ALK: variants seen among roughly 807,000 people sequenced by gnomAD.
The protein encoded by ALK is ALK tyrosine kinase receptor.
Under a neutral mutation model 163.1 loss-of-function variants are expected in ALK, and 74 were observed. The observed-to-expected ratio is 0.45, with a 90% CI of 0.38 to 0.55. ALK has a LOEUF of 0.55. Ranked by LOEUF, ALK falls within the 20% of genes least tolerant of loss-of-function variation. The pLI is 0.00. For synonymous variants in ALK, 960 were observed against 843.2 expected, an observed-to-expected ratio of 1.14 and a Z score of -2.40; for missense variants, 2,063 against 2,105.3, an observed-to-expected ratio of 0.98 and a Z score of 0.39.
At chr2:29,526,919 C>G (rs929617066) in intron 4 of ALK, among the ~76,000 whole-genome samples, 4 of 152,228 alleles carry the variant, frequency 2.6e-5, no homozygotes, top group African/African-American at 9.6e-5. Context: ...CTGACAGGAA[C>G]AGCCAGGGTT....
chr2:29,674,160 C>T (rs1353008697), intron 3 of ALK, among the ~76,000 whole-genome samples: 2 of 151,502 alleles, frequency 1.3e-5, no homozygotes, highest in African/African-American at 4.9e-5. Context: ...ATTGAATACC[C>T]TTTATTTCCT....
chr2:29,580,266 C>G (rs944881051), intron 3 of ALK, among the ~76,000 whole-genome samples: 1 of 152,320 alleles, frequency 6.6e-6, no homozygotes, highest in South Asian at 2.1e-4. Context: ...CCGTGATTAC[C>G]GTGCACTACC....
intron 8 of ALK, among the ~76,000 whole-genome samples, chr2:29,300,271 G>A (rs925465864): frequency 9.9e-5 from 15 of 152,232 alleles, no homozygotes; most frequent in African/African-American, 2.2e-4. Context: ...ATACCTGGCC[G>A]GGCACGGTGG....
At chr2:29,339,113 T>C (rs1386722849) in intron 5 of ALK, among the ~76,000 whole-genome samples, 1 of 152,124 alleles carries the variant, frequency 6.6e-6, no homozygotes, top group Non-Finnish European at 1.5e-5. Flanking sequence ...TGTGGTGGCA[T>C]GTACCTGTAG....
At chr2:29,373,556 G>A (rs1668684686) in intron 5 of ALK, among the ~76,000 whole-genome samples, 1 of 152,160 alleles carries the variant, frequency 6.6e-6, no homozygotes, top group Non-Finnish European at 1.5e-5. Context: ...CCATTTCTGG[G>A]CAAGTTCCAA....
At chr2:29,810,144 G>A (rs769433636) in intron 1 of ALK, among the ~76,000 whole-genome samples, 6 of 152,118 alleles carry the variant, frequency 3.9e-5, no homozygotes, top group South Asian at 2.1e-4. Flanking sequence ...AGAGTCAGCC[G>A]GACATGGTGG....
At chr2:29,343,536 G>A (rs564466758) in intron 5 of ALK, among the ~76,000 whole-genome samples, 5 of 152,250 alleles carry the variant, frequency 3.3e-5, no homozygotes, top group Admixed American at 3.3e-4. Flanking sequence ...CTTAAACCTG[G>A]CATTAGCCTC....
chr2:29,534,150 T>C (rs78545006), intron 3 of ALK, among the ~76,000 whole-genome samples: 24,979 of 151,642 alleles, frequency 0.16, 2,418 homozygotes, highest in South Asian at 0.23. Context: ...TTGTGGATAA[T>C]AGAGAGCCAG....
intron 4 of ALK, among the ~76,000 whole-genome samples, chr2:29,420,303 G>C (rs532555136): frequency 6.6e-6 from 1 of 151,684 alleles, no homozygotes; most frequent in South Asian, 2.1e-4. Flanking sequence ...TCAGTAGACA[G>C]AAGTGAAGCT....
chr2:29,883,301 C>T (rs1485780721), intron 1 of ALK, among the ~76,000 whole-genome samples: 1 of 152,194 alleles, frequency 6.6e-6, no homozygotes, highest in Non-Finnish European at 1.5e-5. Flanking sequence ...CATTCCCCAA[C>T]CTGGTCTTTT....
intron 1 of ALK, among the ~76,000 whole-genome samples, chr2:29,828,496 G>C (rs1449889323): frequency 6.6e-6 from 1 of 152,006 alleles, no homozygotes; most frequent in Non-Finnish European, 1.5e-5. Flanking sequence ...TCAAAAAGTG[G>C]GCGAAGGATA....
At chr2:29,895,470 A>T (rs912843039) in intron 1 of ALK, among the ~76,000 whole-genome samples, 1 of 152,244 alleles carries the variant, frequency 6.6e-6, no homozygotes, top group Non-Finnish European at 1.5e-5. Flanking sequence ...TGGAAGCAGG[A>T]AGCTGCAGCT....
chr2:29,317,968 G>A lies in ALK; in HGVS notation c.1647+336C>T, dbSNP rs10197663. ...TTACAATGTATTACAAGAGCTCAAT[G>A]TTTTTAAAAAGGATTCTGTAGAAAG... On this transcript the variant is annotated intron_variant, in intron 8 of 28. Transcript: ENST00000389048. 0.069 allele frequency among the ~76,000 whole-genome samples: 10,530 copies of A among 152,268 alleles called. 403 individuals carry two copies. The highest frequency in any genetic ancestry group is 0.077 in the Non-Finnish European group (5,255 of 68,004).
intron 3 of ALK, among the ~76,000 whole-genome samples, chr2:29,609,010 A>T (rs1259900748): frequency 6.6e-6 from 1 of 152,074 alleles, no homozygotes; most frequent in Non-Finnish European, 1.5e-5. Context: ...TGCAACCTCC[A>T]CCTGCTGGGT....
chr2:29,386,424 A>G (rs1426029220), intron 4 of ALK, among the ~76,000 whole-genome samples: 1 of 152,242 alleles, frequency 6.6e-6, no homozygotes, highest in African/African-American at 2.4e-5. Flanking sequence ...TGAGAAGAAC[A>G]TGTAAACAAG....
chr2:29,537,103 GA>G, intron 3 of ALK, among the ~76,000 whole-genome samples: 1 of 152,244 alleles, frequency 6.6e-6, no homozygotes, highest in Non-Finnish European at 1.5e-5. Context: ...TCAGGTAGTA[GA>G]AAGGAAAAGA....
chr2:29,688,932 C>A (rs372082415), intron 3 of ALK, among the ~76,000 whole-genome samples: 13 of 152,304 alleles, frequency 8.5e-5, no homozygotes, highest in African/African-American at 3.1e-4. Flanking sequence ...TTGAAGCCTG[C>A]ACTAGCACAT....
intron 1 of ALK, among the ~76,000 whole-genome samples, chr2:29,756,782 C>G (rs1393366616): frequency 1.3e-5 from 2 of 152,172 alleles, no homozygotes; most frequent in African/African-American, 4.8e-5. Context: ...CCGCCTCAGC[C>G]TTTCAAAGTG....
At chr2:29,906,954 T>G (rs964561607) in intron 1 of ALK, among the ~76,000 whole-genome samples, 20 of 141,612 alleles carry the variant, frequency 1.4e-4, no homozygotes, top group African/African-American at 4.7e-4. Flanking sequence ...TTTTTTTTTT[T>G]TTTTTTTTTT....
Sources: allele counts gnomAD v4.1 joint callset (sites outside exome capture counted in the v4.1 genomes callset), GRCh38; gene constraint gnomAD v4.1.1; transcripts MANE v1.5; gene names NCBI Gene and HGNC (gene_info 2026-07-23, HGNC 2026-07-21).